The following MTUS2 variants were observed in gnomAD, a reference collection of about 807,000 sequenced individuals.
MTUS2 encodes the protein microtubule associated scaffold protein 2, also known as microtubule-associated tumor suppressor candidate 2.
MTUS2 carries 40 observed loss-of-function variants against 114.1 expected under a neutral mutation model. That is an observed-to-expected ratio of 0.35 (90% CI 0.27 to 0.46). The LOEUF (loss-of-function observed/expected upper bound fraction) is 0.46, where lower values mean the gene tolerates loss of function less well. Ranked by LOEUF, MTUS2 falls within the 20% of genes least tolerant of loss-of-function variation. The pLI, the probability that MTUS2 is intolerant of heterozygous loss-of-function variation, is 1.00. For missense variants in MTUS2, 1,679 were observed against 1,705.4 expected (o/e 0.98, Z 0.27); for synonymous variants, 688 against 672.0 (o/e 1.02, Z -0.37).
intron 4 of MTUS2, among the ~76,000 whole-genome samples, chr13:29,056,532 G>A (rs533562456): frequency 2.6e-5 from 4 of 152,084 alleles, no homozygotes; most frequent in African/African-American, 7.2e-5. Flanking sequence ...TTATTCATAT[G>A]TTCAGGGATT....
intron 2 of MTUS2, among the ~76,000 whole-genome samples, chr13:28,865,677 A>G (rs1017524825): frequency 2.0e-5 from 3 of 152,166 alleles, no homozygotes; most frequent in Non-Finnish European, 4.4e-5. Context: ...AATCTTCTGC[A>G]CCATGGATGG....
In MTUS2 at chr13:29,026,572, A is replaced by T; in HGVS notation, c.1874A>T (p.Glu625Val). 6.2e-7 allele frequency: 1 copy of T among 1,613,924 alleles called. No individual in the cohort carries two copies. The highest frequency in any genetic ancestry group is 8.5e-7 in the Non-Finnish European group (1 of 1,179,844). The change falls in exon 3 of 16, where the codon GAG becomes GTG. Residue 625 changes from glutamate to valine, a missense_variant. Coordinates refer to ENST00000612955, the MANE Select transcript of MTUS2 (RefSeq NM_001033602.4). ...MENYQVEKTE[E>V]RTETKPIIMP... ...AACTATCAGGTTGAAAAAACAGAGG[A>T]GAGGACAGAAACTAAGCCCATCATT...
chr13:29,498,383 C>T, intron 13 of MTUS2, 35 bp from the exon 14 acceptor site: 1 of 1,612,074 alleles, frequency 6.2e-7, no homozygotes, highest in Non-Finnish European at 8.5e-7. Context: ...TGCCGGGAAT[C>T]CTGGTCAACA....
At position 28,914,219 on chromosome 13, in the gene MTUS2, G is replaced by A. The variant is rs138956420; in HGVS notation, c.-243+74369G>A. On this transcript the variant is annotated intron_variant, in intron 2 of 15. Coordinates refer to ENST00000612955, the MANE Select transcript of MTUS2 (RefSeq NM_001033602.4). ...TTAATTTGAGATGTTTCAGCTTTTC[G>A]ATATGGGCATTCAGTGCTATAAATT... Among the ~76,000 whole-genome samples the A allele has an allele frequency of 2.5e-3, 378 of 151,942 alleles. 2 individuals are homozygous for A. The highest frequency in any genetic ancestry group is 8.5e-3 in the African/African-American group (351 of 41,470).
At chr13:28,949,611 A>G (rs1260665642) in intron 2 of MTUS2, among the ~76,000 whole-genome samples, 1 of 151,828 alleles carries the variant, frequency 6.6e-6, no homozygotes, top group Non-Finnish European at 1.5e-5. Flanking sequence ...ATAAACAACA[A>G]CTCCCTATTT....
At chr13:29,462,150 G>T (rs1278683767) in intron 9 of MTUS2, among the ~76,000 whole-genome samples, 1 of 152,210 alleles carries the variant, frequency 6.6e-6, no homozygotes, top group Non-Finnish European at 1.5e-5. Flanking sequence ...CCAAGAATTT[G>T]CATTTCAACA....
At chr13:28,924,164 G>T (rs906706105) in intron 2 of MTUS2, among the ~76,000 whole-genome samples, 1 of 151,894 alleles carries the variant, frequency 6.6e-6, no homozygotes, top group Non-Finnish European at 1.5e-5. Context: ...TTGGGAGGGG[G>T]GTCCTAAGCC....
intron 2 of MTUS2, among the ~76,000 whole-genome samples, chr13:28,864,214 G>A (rs1877160895): frequency 6.6e-6 from 1 of 152,132 alleles, no homozygotes; most frequent in Non-Finnish European, 1.5e-5. Flanking sequence ...AACACAGGAT[G>A]CTCCCTTAGA....
chr13:29,056,004 T>C (rs994129993), intron 4 of MTUS2, among the ~76,000 whole-genome samples: 7 of 152,024 alleles, frequency 4.6e-5, no homozygotes, highest in Non-Finnish European at 7.4e-5. Context: ...TCTTATTTGG[T>C]ATTGTCTGTT....
At chr13:28,852,833 C>T (rs1876366876) in intron 2 of MTUS2, among the ~76,000 whole-genome samples, 2 of 152,018 alleles carry the variant, frequency 1.3e-5, no homozygotes, top group African/African-American at 4.8e-5. Flanking sequence ...GGTGACAGAG[C>T]GAGCCTCTAT....
At chr13:29,241,273 A>G (rs1304848155) in intron 5 of MTUS2, among the ~76,000 whole-genome samples, 1 of 147,812 alleles carries the variant, frequency 6.8e-6, no homozygotes, top group Non-Finnish European at 1.5e-5. Flanking sequence ...AATTGACAGA[A>G]CAATTTCATG....
intron 6 of MTUS2, among the ~76,000 whole-genome samples, chr13:29,301,258 C>T (rs985584789): frequency 6.6e-6 from 1 of 152,164 alleles, no homozygotes; most frequent in Admixed American, 6.5e-5. Flanking sequence ...TCTCATTGCC[C>T]TTTTGTGTAG....
intron 2 of MTUS2, among the ~76,000 whole-genome samples, chr13:28,907,705 A>C (rs993943480): frequency 6.6e-6 from 1 of 151,696 alleles, no homozygotes; most frequent in African/African-American, 2.4e-5. Context: ...AGAGCTAACT[A>C]TCCTAAATAT....
chr13:28,937,438 A>AG (rs1220498559), intron 2 of MTUS2, among the ~76,000 whole-genome samples: 1 of 152,138 alleles, frequency 6.6e-6, no homozygotes, highest in Non-Finnish European at 1.5e-5. Context: ...CAACCCGCTG[A>AG]GGTCCCCTTC....
At chr13:28,916,558 AGATT>A (rs1213282706) in intron 2 of MTUS2, among the ~76,000 whole-genome samples, 1 of 151,788 alleles carries the variant, frequency 6.6e-6, no homozygotes, top group Non-Finnish European at 1.5e-5. Context: ...ATTGTAAATC[AGATT>A]GATTTTAAAA....
At chr13:29,038,293 GCTC>G (rs778150113) in intron 4 of MTUS2, among the ~76,000 whole-genome samples, 1 of 152,186 alleles carries the variant, frequency 6.6e-6, no homozygotes, top group Non-Finnish European at 1.5e-5. Flanking sequence ...TATCAGTCAG[GCTC>G]CTCCTCTGCA....
At chr13:29,107,645 C>T (rs1474967663) in intron 5 of MTUS2, among the ~76,000 whole-genome samples, 4 of 152,168 alleles carry the variant, frequency 2.6e-5, no homozygotes, top group Admixed American at 6.5e-5. Context: ...TAAAGACTGA[C>T]TTAGTAGTCT....
chr13:28,825,540 C>G (rs1024743523), intron 1 of MTUS2, among the ~76,000 whole-genome samples: 2 of 152,092 alleles, frequency 1.3e-5, no homozygotes, highest in African/African-American at 4.8e-5. Context: ...CTCCTGCATG[C>G]CCAGATGGCT....
chr13:29,012,189 G>A (rs531506451), intron 2 of MTUS2, among the ~76,000 whole-genome samples: 5 of 152,288 alleles, frequency 3.3e-5, no homozygotes, highest in South Asian at 4.1e-4. Flanking sequence ...CAGCTCAAGC[G>A]TGCCTCCTGC....
Sources: gnomAD v4.1 joint callset for allele counts (sites outside exome capture counted in the v4.1 genomes callset) on GRCh38, gnomAD v4.1.1 for gene constraint, MANE v1.5 for transcripts, NCBI Gene and HGNC (gene_info 2026-07-23, HGNC 2026-07-21) for gene names.